The following FSTL4 variants were observed in gnomAD, a reference collection of about 807,000 sequenced individuals.
FSTL4 encodes follistatin like 4.
In FSTL4, 28 loss-of-function variants were observed where a neutral mutation model predicts 78.2. That is an observed-to-expected ratio of 0.36 (90% CI 0.27 to 0.49). FSTL4 has a LOEUF of 0.49. FSTL4 is among the 20% of genes least tolerant of loss of function. The pLI is 0.98. For missense variants in FSTL4, 922 were observed against 1,084.9 expected, an observed-to-expected ratio of 0.85 and a Z score of 2.11; for synonymous variants, 422 against 440.5, an observed-to-expected ratio of 0.96 and a Z score of 0.53.
At chr5:133,536,740 A>G (rs962725878) in intron 3 of FSTL4, among the ~76,000 whole-genome samples, 1 of 152,106 alleles carries the variant, frequency 6.6e-6, no homozygotes, top group Non-Finnish European at 1.5e-5. Context: ...ATGTAACTGT[A>G]ATTCATTCAT....
the FSTL4 span, among the ~76,000 whole-genome samples, chr5:133,624,461 G>A: frequency 6.6e-6 from 1 of 151,894 alleles, no homozygotes; most frequent in Non-Finnish European, 1.5e-5. Context: ...CTTCCCATAA[G>A]GTATGGGGTT....
chr5:133,809,177 C>T, the FSTL4 span, among the ~76,000 whole-genome samples: 1,114 of 151,864 alleles, frequency 7.3e-3, 50 homozygotes, highest in Admixed American at 0.069. Context: ...ACCGGCCTGG[C>T]CAACATGGTG....
At chr5:133,652,926 G>T in the FSTL4 span, among the ~76,000 whole-genome samples, 3 of 152,082 alleles carry the variant, frequency 2.0e-5, no homozygotes, top group Non-Finnish European at 2.9e-5. Flanking sequence ...TCTCTTGGGG[G>T]TTTAATTTTC....
chr5:133,779,380 A>G, the FSTL4 span, among the ~76,000 whole-genome samples: 1 of 152,080 alleles, frequency 6.6e-6, no homozygotes, highest in Non-Finnish European at 1.5e-5. Flanking sequence ...AGGTCAGGAG[A>G]TGGAGACCAT....
chr5:133,702,496 G>A, the FSTL4 span, among the ~76,000 whole-genome samples: 1 of 152,062 alleles, frequency 6.6e-6, no homozygotes. Flanking sequence ...CCGGAGTCCG[G>A]GGGCTTGGGG....
chr5:133,333,515 C>A (rs886920849), intron 4 of FSTL4, among the ~76,000 whole-genome samples: 1 of 152,238 alleles, frequency 6.6e-6, no homozygotes, highest in Admixed American at 6.5e-5. Flanking sequence ...CTGGGCAAAT[C>A]TTATTGTCAC....
chr5:133,774,273 G>T, the FSTL4 span, among the ~76,000 whole-genome samples: 1 of 152,186 alleles, frequency 6.6e-6, no homozygotes, highest in Non-Finnish European at 1.5e-5. Context: ...CAGTGAATAT[G>T]CCTCTTTGCC....
intron 3 of FSTL4, among the ~76,000 whole-genome samples, chr5:133,441,206 G>C (rs898919430): frequency 3.3e-5 from 5 of 152,160 alleles, no homozygotes; most frequent in Non-Finnish European, 5.9e-5. Context: ...AGGCACCTGG[G>C]AGATGGGGCA....
the FSTL4 span, among the ~76,000 whole-genome samples, chr5:133,693,587 C>T: frequency 1.1e-4 from 16 of 152,296 alleles, no homozygotes; most frequent in Middle Eastern, 0.014. Flanking sequence ...CCAAGGGCTC[C>T]GACTGCCACC....
chr5:133,374,743 A>C (rs116285029), intron 4 of FSTL4, among the ~76,000 whole-genome samples: 266 of 152,134 alleles, frequency 1.7e-3, no homozygotes, highest in Middle Eastern at 3.4e-3. Context: ...CTCTCTCTCT[A>C]CCATGTGAGG....
the FSTL4 span, among the ~76,000 whole-genome samples, chr5:133,649,054 A>G: frequency 6.6e-6 from 1 of 152,078 alleles, no homozygotes; most frequent in Non-Finnish European, 1.5e-5. Flanking sequence ...CCAGGCTACC[A>G]CTGATCTTTT....
chr5:133,426,623 G>A lies in FSTL4; in HGVS notation c.161-25637C>T, dbSNP rs941758645. Among the ~76,000 whole-genome samples, 1 of 152,174 alleles carries A rather than the reference G, an allele frequency of 6.6e-6. No individual in the cohort carries two copies. Among genetic ancestry groups the A allele is most frequent in the Non-Finnish European group, 1.5e-5 (1 of 68,026 alleles). On this transcript the variant is annotated intron_variant, in intron 3 of 15. Transcript: ENST00000265342. This position sits in a 1 kb window ranked among gnomAD's most constrained non-coding sequence, Gnocchi z 5.0. ...GTGCATTCTGGCAGGGTGGATCACT[G>A]GGTGGCTGGGGAGTGGAGGCAAAAG...
chr5:133,633,945 A>T, the FSTL4 span, among the ~76,000 whole-genome samples: 1 of 152,026 alleles, frequency 6.6e-6, no homozygotes. Flanking sequence ...CCTGGCAGGG[A>T]ATGATAGGAG....
At chr5:133,411,929 G>A (rs1756484411) in intron 3 of FSTL4, among the ~76,000 whole-genome samples, 1 of 151,900 alleles carries the variant, frequency 6.6e-6, no homozygotes, top group African/African-American at 2.4e-5. Flanking sequence ...ATAATTAGAG[G>A]TGAAAAACGG....
the FSTL4 span, among the ~76,000 whole-genome samples, chr5:133,628,508 C>T: frequency 6.6e-6 from 1 of 151,958 alleles, no homozygotes; most frequent in Non-Finnish European, 1.5e-5. Context: ...TACAGGCATG[C>T]ACCACCACAC....
the FSTL4 span, among the ~76,000 whole-genome samples, chr5:133,718,147 C>T: frequency 4.0e-5 from 6 of 151,808 alleles, no homozygotes; most frequent in Admixed American, 3.9e-4. Context: ...GGCTGGAGTG[C>T]AGTGGCACAA....
chr5:133,708,910 C>T, the FSTL4 span, among the ~76,000 whole-genome samples: 5 of 152,200 alleles, frequency 3.3e-5, no homozygotes, highest in African/African-American at 9.7e-5. Flanking sequence ...AAAACCAATT[C>T]CATGAGAGCA....
At chr5:133,531,539 C>T (rs911710934) in intron 3 of FSTL4, among the ~76,000 whole-genome samples, 1 of 152,140 alleles carries the variant, frequency 6.6e-6, no homozygotes, top group Non-Finnish European at 1.5e-5. Context: ...TGCATTTGTT[C>T]CCTAAAAGAA....
chr5:133,808,354 G>A, the FSTL4 span, among the ~76,000 whole-genome samples: 5 of 152,186 alleles, frequency 3.3e-5, no homozygotes, highest in East Asian at 1.9e-4. Context: ...GCTCAAAGGA[G>A]CGAAGCCATG....
Sources: gnomAD v4.1 joint callset for allele counts (sites outside exome capture counted in the v4.1 genomes callset) on GRCh38, gnomAD v4.1.1 for gene constraint, Gnocchi (gnomAD v3.1) non-coding constraint, MANE v1.5 for transcripts, NCBI Gene and HGNC (gene_info 2026-07-23, HGNC 2026-07-21) for gene names.